Variants in PITPNC1 observed in about 807,000 individuals in gnomAD.
PITPNC1 encodes phosphatidylinositol transfer protein cytoplasmic 1.
PITPNC1 carries 18 observed loss-of-function variants against 44.7 expected under a neutral mutation model. That is an observed-to-expected ratio of 0.40 (90% CI 0.28 to 0.60). The LOEUF (loss-of-function observed/expected upper bound fraction) is 0.60. Among genes scored for constraint, PITPNC1 ranks in the 20% least tolerant of loss-of-function variants. The probability of loss-of-function intolerance (pLI) is 0.39; values close to 1 mark genes in which losing one functional copy is unlikely to be tolerated. For missense variants in PITPNC1, 290 were observed against 418.4 expected, an observed-to-expected ratio of 0.69 and a Z score of 2.68; for synonymous variants, 141 against 149.6, an observed-to-expected ratio of 0.94 and a Z score of 0.42.
chr17:67,538,900 A>G (rs1466017077), intron 2 of PITPNC1, among the ~76,000 whole-genome samples: 2 of 151,880 alleles, frequency 1.3e-5, no homozygotes, highest in South Asian at 2.1e-4. Context: ...AAATGCACAT[A>G]TAGACCAAGA....
chr17:67,686,998 C>T (rs2042827806), intron 8 of PITPNC1: 2 of 868,946 alleles, frequency 2.3e-6, no homozygotes, highest in African/African-American at 1.6e-5. Flanking sequence ...TACCATCTTT[C>T]CCTAAAGTGT....
chr17:67,438,950 A>G (rs545601417), intron 1 of PITPNC1, among the ~76,000 whole-genome samples: 76 of 152,284 alleles, frequency 5.0e-4, no homozygotes, highest in African/African-American at 1.5e-3. Context: ...AGGGACTGCA[A>G]TTGAGCACTT....
chr17:67,466,534 C>T (rs1187009764), intron 1 of PITPNC1, among the ~76,000 whole-genome samples: 1 of 152,170 alleles, frequency 6.6e-6, no homozygotes, highest in Non-Finnish European at 1.5e-5. Flanking sequence ...AGAGAAAGGG[C>T]CAGGTGTTGG....
At chr17:67,531,408 C>T (rs775710813) in intron 1 of PITPNC1, among the ~76,000 whole-genome samples, 18 of 152,260 alleles carry the variant, frequency 1.2e-4, no homozygotes, top group Non-Finnish European at 2.1e-4. Flanking sequence ...TGGAGAGGGG[C>T]GTGGCACAGA....
intron 1 of PITPNC1, among the ~76,000 whole-genome samples, chr17:67,447,090 A>AG (rs1491514336): frequency 4.6e-3 from 227 of 49,344 alleles, no homozygotes; most frequent in African/African-American, 0.02. Context: ...ACTCTGTCTC[A>AG]AAAAAAAAAA....
chr17:67,635,980 A>G (rs1237144869), intron 6 of PITPNC1, among the ~76,000 whole-genome samples: 2 of 152,158 alleles, frequency 1.3e-5, no homozygotes, highest in Non-Finnish European at 2.9e-5. Flanking sequence ...CCTCTACAGC[A>G]CAGAAAGCCC....
At chr17:67,468,418 T>TTA (rs1275759160) in intron 1 of PITPNC1, among the ~76,000 whole-genome samples, 1 of 137,654 alleles carries the variant, frequency 7.3e-6, no homozygotes, top group Non-Finnish European at 1.5e-5. Context: ...TTTTTTTTTT[T>TTA]TGAGATGGAG....
intron 4 of PITPNC1, 78 bp from the exon 5 acceptor site, chr17:67,578,108 A>G (rs755774406): frequency 2.1e-6 from 2 of 953,660 alleles, no homozygotes; most frequent in Non-Finnish European, 3.4e-6. Flanking sequence ...AATGGCCAGG[A>G]AAGTATTCAG....
At chr17:67,553,681 C>T (rs2040797204) in intron 4 of PITPNC1, 64 bp downstream of exon 4, 2 of 580,876 alleles carry the variant, frequency 3.4e-6, no homozygotes, top group African/African-American at 1.9e-5. Flanking sequence ...TGGAATGTCT[C>T]TTGTATTACT....
In PITPNC1 at chr17:67,425,197, G is replaced by GCGCGCGCGCGCA. The variant is rs748898605; in HGVS notation, c.48+46996_48+46997insGCGCGCGCGCAC. On this transcript the variant is annotated intron_variant, in intron 1 of 8. Coordinates refer to ENST00000581322, the MANE Select transcript of PITPNC1 (RefSeq NM_012417.4). ...AAACAGCCATGTTGTGCGCGCGCAC[G>GCGCGCGCGCGCA]CACACGCACACACACACACACACAC... is the stretch of plus-strand genomic sequence containing the variant. Among the ~76,000 whole-genome samples, 19 of 98,464 alleles carry GCGCGCGCGCGCA rather than the reference G, an allele frequency of 1.9e-4. 1 individual carries two copies. In the East Asian group the frequency reaches 2.0e-3, roughly 10 times the overall value. The allele number at this position is 98,464 out of a possible 152,430, so 64.6% of individuals were successfully genotyped here.
intron 1 of PITPNC1, among the ~76,000 whole-genome samples, chr17:67,489,645 T>C (rs2039833845): frequency 6.6e-6 from 1 of 152,228 alleles, no homozygotes; most frequent in Non-Finnish European, 1.5e-5. Flanking sequence ...GCGAGTCTAA[T>C]ATGCAGCCAG....
At chr17:67,602,560 A>T (rs1440386628) in intron 5 of PITPNC1, among the ~76,000 whole-genome samples, 2 of 152,132 alleles carry the variant, frequency 1.3e-5, no homozygotes, top group African/African-American at 4.8e-5. Flanking sequence ...AAAGTAGGGT[A>T]AAGTGGAATC....
intron 1 of PITPNC1, among the ~76,000 whole-genome samples, chr17:67,417,266 T>G: frequency 6.6e-6 from 1 of 152,038 alleles, no homozygotes; most frequent in East Asian, 1.9e-4. Context: ...TAGCTAGGAC[T>G]ACAGGGACAT....
chr17:67,436,218 C>G (rs1300546070), intron 1 of PITPNC1, among the ~76,000 whole-genome samples: 6 of 152,014 alleles, frequency 3.9e-5, no homozygotes, highest in African/African-American at 1.5e-4. Context: ...CCAGGCTGGT[C>G]TTAAATTCCT....
At chr17:67,661,692 T>G (rs2042349629) in intron 6 of PITPNC1, among the ~76,000 whole-genome samples, 2 of 152,142 alleles carry the variant, frequency 1.3e-5, no homozygotes, top group African/African-American at 4.8e-5. Context: ...GTGCTCAGGA[T>G]CATGACTCTG....
chr17:67,683,443 G>T (rs760002588), intron 8 of PITPNC1, among the ~76,000 whole-genome samples: 9 of 152,112 alleles, frequency 5.9e-5, no homozygotes, highest in Non-Finnish European at 1.2e-4. Context: ...ACTTGATTAG[G>T]ATTTCCATAA....
chr17:67,535,086 G>C (rs1467112751), intron 2 of PITPNC1, among the ~76,000 whole-genome samples: 2 of 152,252 alleles, frequency 1.3e-5, no homozygotes, highest in South Asian at 2.1e-4. Context: ...TTTGCCCAGA[G>C]ATGCAGTACC....
intron 1 of PITPNC1, among the ~76,000 whole-genome samples, chr17:67,441,286 C>CA (rs2039009370): frequency 6.6e-6 from 1 of 150,470 alleles, no homozygotes; most frequent in Non-Finnish European, 1.5e-5. Flanking sequence ...AGCCCCCCCC[C>CA]GCCACCCATC....
At chr17:67,514,687 A>G (rs1264570697) in intron 1 of PITPNC1, among the ~76,000 whole-genome samples, 3 of 152,180 alleles carry the variant, frequency 2.0e-5, no homozygotes, top group African/African-American at 7.2e-5. Flanking sequence ...ATAGCCCAGC[A>G]TGGTGGCATG....
Sources: gnomAD v4.1 joint callset for allele counts (sites outside exome capture counted in the v4.1 genomes callset) on GRCh38, gnomAD v4.1.1 for gene constraint, MANE v1.5 for transcripts, NCBI Gene and HGNC (gene_info 2026-07-23, HGNC 2026-07-21) for gene names.